Variants in DISC1 observed in about 807,000 individuals in gnomAD.
The protein encoded by DISC1 is DISC1 scaffold protein.
A neutral mutation model predicts 84.5 loss-of-function variants in DISC1; 57 were observed. The ratio of observed to expected loss-of-function variants is 0.67; its 90% CI spans 0.55 to 0.84. The LOEUF (loss-of-function observed/expected upper bound fraction) is 0.84, where lower values mean the gene tolerates loss of function less well. Ranked by LOEUF, DISC1 falls within the 40% of genes least tolerant of loss-of-function variation. The pLI, the probability that DISC1 is intolerant of heterozygous loss-of-function variation, is 0.00. For missense variants in DISC1, 1,000 were observed against 1,057.8 expected (o/e 0.95, Z 0.76); for synonymous variants, 411 against 415.2 (o/e 0.99, Z 0.12).
At chr1:231,674,877 G>A (rs951632836) in intron 1 of DISC1, among the ~76,000 whole-genome samples, 6 of 152,162 alleles carry the variant, frequency 3.9e-5, no homozygotes, top group Non-Finnish European at 7.3e-5. Context: ...GTAGTGTTCC[G>A]GATGTCCCTT....
chr1:231,710,242 G>A (rs921523678), intron 3 of DISC1, among the ~76,000 whole-genome samples: 1 of 152,136 alleles, frequency 6.6e-6, no homozygotes, highest in Admixed American at 6.5e-5. Flanking sequence ...CTCGGAAGGT[G>A]GAGGTGGGAA....
rs371927589 is a variant in DISC1, at chr1:231,712,451, C to A, written c.1117+10427C>A. Among the ~76,000 whole-genome samples, 7 of 152,278 alleles carry A rather than the reference C, an allele frequency of 4.6e-5. 2 individuals carry two copies. Among genetic ancestry groups the A allele is most frequent in the African/African-American group, 1.7e-4 (7 of 41,572 alleles). ...AAAAAACAAACAGAAACCATTAGAA[C>A]AAACATGATCAGAACTCTGGAAAAT... On this transcript the variant is annotated intron_variant, in intron 3 of 12. Coordinates refer to ENST00000439617, the MANE Select transcript of DISC1 (RefSeq NM_018662.3).
chr1:231,785,239 G>A (rs1476656998), intron 6 of DISC1, among the ~76,000 whole-genome samples: 2 of 145,026 alleles, frequency 1.4e-5, no homozygotes, highest in African/African-American at 5.1e-5. Context: ...GTGTGTGTGT[G>A]TGTGTGTGTG....
chr1:232,022,000 C>A (rs183974981), intron 11 of DISC1, among the ~76,000 whole-genome samples: 1 of 152,270 alleles, frequency 6.6e-6, no homozygotes, highest in Admixed American at 6.5e-5. Context: ...GACTGGGTTC[C>A]AGGGTGGGTG....
chr1:231,882,974 G>A (rs2086402665), intron 9 of DISC1, among the ~76,000 whole-genome samples: 1 of 151,762 alleles, frequency 6.6e-6, no homozygotes, highest in South Asian at 2.1e-4. Context: ...GAGAACACAA[G>A]CACAAGCATA....
chr1:231,877,874 TA>T (rs1201023590), intron 9 of DISC1, among the ~76,000 whole-genome samples: 2 of 152,202 alleles, frequency 1.3e-5, no homozygotes, highest in Non-Finnish European at 2.9e-5. Context: ...AAAAATGACT[TA>T]ATAGCTAAAT....
intron 3 of DISC1, among the ~76,000 whole-genome samples, chr1:231,727,631 A>G (rs2070917298): frequency 1.3e-5 from 2 of 152,118 alleles, no homozygotes; most frequent in South Asian, 4.1e-4. Flanking sequence ...CATGACAGCA[A>G]TCTCTTGGAA....
chr1:231,661,184 T>C (rs2061535556), intron 1 of DISC1, among the ~76,000 whole-genome samples: 1 of 152,086 alleles, frequency 6.6e-6, no homozygotes, highest in Non-Finnish European at 1.5e-5. Flanking sequence ...CTTTTTTTTT[T>C]TCATTTCGAC....
At chr1:231,924,936 G>A (rs1182437127) in intron 9 of DISC1, among the ~76,000 whole-genome samples, 3 of 150,768 alleles carry the variant, frequency 2.0e-5, no homozygotes, top group South Asian at 2.1e-4. Flanking sequence ...GATTACAGGC[G>A]TGAGTCACTG....
chr1:231,759,448 G>A (rs1425311016), intron 4 of DISC1, among the ~76,000 whole-genome samples: 1 of 149,340 alleles, frequency 6.7e-6, no homozygotes, highest in Non-Finnish European at 1.5e-5. Context: ...CAGCTCTTTG[G>A]GAGGCTGAGG....
At chr1:231,854,200 C>T (rs531713128) in intron 9 of DISC1, among the ~76,000 whole-genome samples, 4 of 152,226 alleles carry the variant, frequency 2.6e-5, no homozygotes, top group South Asian at 2.1e-4. Flanking sequence ...TCTTACTAAG[C>T]GATTGTGGGT....
At chr1:231,634,098 G>A (rs1193200546) in intron 1 of DISC1, among the ~76,000 whole-genome samples, 1 of 152,098 alleles carries the variant, frequency 6.6e-6, no homozygotes, top group Non-Finnish European at 1.5e-5. Context: ...CGGCCAGGCT[G>A]GTCTTGAGCT....
At chr1:231,993,680 G>A (rs915073081) in intron 10 of DISC1, among the ~76,000 whole-genome samples, 1 of 152,124 alleles carries the variant, frequency 6.6e-6, no homozygotes, top group African/African-American at 2.4e-5. Flanking sequence ...GAGTTGGCAC[G>A]AGACAGGATC....
intron 1 of DISC1, among the ~76,000 whole-genome samples, chr1:231,661,571 T>C (rs2061565274): frequency 6.6e-6 from 1 of 152,252 alleles, no homozygotes; most frequent in African/African-American, 2.4e-5. Context: ...GAGGTTCTCG[T>C]GTTGTGTGTT....
At chr1:231,730,013 T>G (rs2071306272) in intron 3 of DISC1, among the ~76,000 whole-genome samples, 1 of 152,244 alleles carries the variant, frequency 6.6e-6, no homozygotes, top group African/African-American at 2.4e-5. Flanking sequence ...AATTATGTCT[T>G]AAAAGATTAT....
intron 1 of DISC1, among the ~76,000 whole-genome samples, chr1:231,667,668 CTT>C (rs2062144275): frequency 1.3e-5 from 2 of 152,158 alleles, no homozygotes; most frequent in South Asian, 4.1e-4. Flanking sequence ...TGGAAAGGGC[CTT>C]AGCTATCGTC....
chr1:231,787,158 AGTT>A (rs1199903319), intron 6 of DISC1, among the ~76,000 whole-genome samples: 1 of 152,176 alleles, frequency 6.6e-6, no homozygotes, highest in Non-Finnish European at 1.5e-5. Flanking sequence ...CCAAGTAAAT[AGTT>A]GTTAGTTGCT....
intron 8 of DISC1, among the ~76,000 whole-genome samples, chr1:231,811,487 A>G (rs201006030): frequency 9.2e-5 from 14 of 152,234 alleles, no homozygotes; most frequent in Non-Finnish European, 1.5e-4. Context: ...GCAGTCTACT[A>G]TTTCTGGAGT....
chr1:231,804,899 C>T (rs1443845800), intron 8 of DISC1, among the ~76,000 whole-genome samples: 1 of 152,164 alleles, frequency 6.6e-6, no homozygotes, highest in Non-Finnish European at 1.5e-5. Context: ...CTTTAGGAAG[C>T]GTAATCCGGC....
Sources: allele counts gnomAD v4.1 joint callset (sites outside exome capture counted in the v4.1 genomes callset), GRCh38; gene constraint gnomAD v4.1.1; transcripts MANE v1.5; gene names NCBI Gene and HGNC (gene_info 2026-07-23, HGNC 2026-07-21).